CADM3: variants seen among roughly 807,000 people sequenced by gnomAD.
CADM3 encodes the protein TSLC1-like 1.
CADM3 carries 11 observed loss-of-function variants against 44.9 expected under a neutral mutation model. The ratio of observed to expected loss-of-function variants is 0.25; its 90% CI spans 0.15 to 0.41. The LOEUF is 0.41. Ranked by LOEUF, CADM3 falls within the 10% of genes least tolerant of loss-of-function variation. CADM3 has a pLI of 1.00. For missense variants in CADM3, 426 were observed against 512.0 expected, an observed-to-expected ratio of 0.83 and a Z score of 1.62; for synonymous variants, 207 against 205.2, an observed-to-expected ratio of 1.01 and a Z score of -0.08.
rs1335578740 is a variant in CADM3 at position 159,200,533 on chromosome 1, C to T, written c.1079-271C>T. On this transcript the variant is annotated intron_variant, in intron 8 of 8. Coordinates refer to ENST00000368125, the MANE Select transcript of CADM3 (RefSeq NM_001127173.3). ...ATGCGTGCAAGCACACACACACACA[C>T]ACACACACACACACACACACACTTC... Among the ~76,000 whole-genome samples the T allele has an allele frequency of 5.8e-5, 8 of 137,054 alleles. No individual in the cohort carries two copies. In the South Asian group the frequency reaches 1.7e-3, roughly 29 times the overall value. 89.9% of individuals were successfully genotyped at this position (137,054 alleles called of 152,430 possible). A position where few individuals can be genotyped will look rare whatever the true frequency, so the allele number is the denominator to read the frequency against.
At chr1:159,174,160 G>A (rs1648929726) in intron 1 of CADM3, among the ~76,000 whole-genome samples, 1 of 152,200 alleles carries the variant, frequency 6.6e-6, no homozygotes. Flanking sequence ...ACAGATAATG[G>A]ACATCTGTCT....
chr1:159,198,951 G>A (rs1387009819), intron 7 of CADM3, among the ~76,000 whole-genome samples: 2 of 152,156 alleles, frequency 1.3e-5, no homozygotes, highest in Non-Finnish European at 2.9e-5. Flanking sequence ...CAAACACTTT[G>A]AGGGTGGCAA....
intron 1 of CADM3, among the ~76,000 whole-genome samples, chr1:159,176,569 T>G (rs1188169799): frequency 6.6e-6 from 1 of 152,228 alleles, no homozygotes; most frequent in African/African-American, 2.4e-5. Context: ...GACCTGTTTC[T>G]GCCTCTGGGA....
intron 1 of CADM3, among the ~76,000 whole-genome samples, chr1:159,174,344 A>G (rs773357579): frequency 3.9e-5 from 6 of 152,350 alleles, no homozygotes; most frequent in Non-Finnish European, 7.3e-5. Context: ...TTTTGCACAC[A>G]ATCATGGACA....
intron 7 of CADM3, chr1:159,197,960 A>C (rs1203076584): frequency 6.6e-6 from 1 of 152,228 alleles, no homozygotes; most frequent in Non-Finnish European, 1.5e-5. Flanking sequence ...CAACAAGGCT[A>C]TTGTAGGATG....
chr1:159,201,862 A>G lies in CADM3; in HGVS notation c.*940A>G, dbSNP rs1650228933. The G allele has an allele frequency of 1.3e-5, 2 of 152,730 alleles. No individual in the cohort carries two copies. Among genetic ancestry groups the G allele is most frequent in the Admixed American group, 6.5e-5 (1 of 15,278 alleles). The allele number at this position is 152,730 out of a possible 1,614,324, so 9.5% of individuals were successfully genotyped here. A position where few individuals can be genotyped will look rare whatever the true frequency, so the allele number is the denominator to read the frequency against. On this transcript the variant is annotated 3_prime_UTR_variant, in exon 9 of 9. Coordinates refer to ENST00000368125, the MANE Select transcript of CADM3 (RefSeq NM_001127173.3). ...CAAGACTCTGGATTGTTGCACGGCA[A>G]CCACTCCTCCCATGGCATTGCTCAG...
chr1:159,176,444 G>A (rs1226762088), intron 1 of CADM3, among the ~76,000 whole-genome samples: 2 of 152,148 alleles, frequency 1.3e-5, no homozygotes, highest in Non-Finnish European at 2.9e-5. Context: ...ATCAGAAAAG[G>A]ACCCTGGAGA....
At chr1:159,200,024 C>T (rs1266808157) in intron 8 of CADM3, 148 bp downstream of exon 8, 5 of 1,046,466 alleles carry the variant, frequency 4.8e-6, no homozygotes, top group Admixed American at 2.1e-5. Context: ...ATGGAGCCAA[C>T]CCTATCATTG....
rs562685665 is a variant in CADM3 at position 159,171,729 on chromosome 1, C to T, written c.-37C>T. On this transcript the variant is annotated 5_prime_UTR_variant, in exon 1 of 9. Coordinates refer to ENST00000368125, the MANE Select transcript of CADM3 (RefSeq NM_001127173.3). ...TCCCCAGCCCCCGGGGATTCAGGCT[C>T]GCCAGCGCCCAGCCAGGGAGCCGGC... is the stretch of plus-strand genomic sequence containing the variant. 1.6e-4 allele frequency: 200 copies of T among 1,219,976 alleles called. No individual in the cohort carries two copies. The highest frequency in any genetic ancestry group is 9.3e-4 in the Middle Eastern group (3 of 3,238). The allele number at this position is 1,219,976 out of a possible 1,614,324, so 75.6% of individuals were successfully genotyped here.
chr1:159,197,121 T>A, intron 7 of CADM3, 61 bp downstream of exon 7: 1 of 1,544,062 alleles, frequency 6.5e-7, no homozygotes, highest in Non-Finnish European at 8.9e-7. Flanking sequence ...TTATTCCCTT[T>A]TTTAAAATGC....
intron 1 of CADM3, 38 bp from the exon 2 acceptor site, chr1:159,191,898 G>C (rs1649678215): frequency 2.5e-6 from 4 of 1,612,530 alleles, no homozygotes; most frequent in Non-Finnish European, 3.4e-6. Flanking sequence ...GGAGGGGCTA[G>C]GGGTCCTCAG....
At chr1:159,198,829 A>G (rs1356073439) in intron 7 of CADM3, among the ~76,000 whole-genome samples, 1 of 152,156 alleles carries the variant, frequency 6.6e-6, no homozygotes, top group African/African-American at 2.4e-5. Flanking sequence ...CAGGTTGTCA[A>G]TCCTCTACAT....
At chr1:159,197,207 C>T in intron 7 of CADM3, 147 bp downstream of exon 7, 1 of 742,508 alleles carries the variant, frequency 1.3e-6, no homozygotes, top group Non-Finnish European at 2.2e-6. Context: ...TCCCTGAGGG[C>T]TTAGGTCCCA....
At chr1:159,178,285 T>C (rs1420623641) in intron 1 of CADM3, among the ~76,000 whole-genome samples, 1 of 152,172 alleles carries the variant, frequency 6.6e-6, no homozygotes, top group Admixed American at 6.5e-5. Context: ...GTAAAATGAA[T>C]CCTACCCAGT....
chr1:159,172,568 G>A (rs1648857888), intron 1 of CADM3, among the ~76,000 whole-genome samples: 1 of 152,136 alleles, frequency 6.6e-6, no homozygotes, highest in South Asian at 2.1e-4. Flanking sequence ...GAGGCGGGGT[G>A]GGGGTAGGGG....
At chr1:159,177,412 C>G (rs146018073) in intron 1 of CADM3, among the ~76,000 whole-genome samples, 4 of 152,106 alleles carry the variant, frequency 2.6e-5, no homozygotes, top group Non-Finnish European at 5.9e-5. Flanking sequence ...TCCCAGTTCC[C>G]CTGTTCTTTA....
chr1:159,193,373 A>ACC, intron 3 of CADM3, 50 bp from the exon 4 acceptor site: 2 of 1,538,958 alleles, frequency 1.3e-6, no homozygotes, highest in Non-Finnish European at 1.8e-6. Flanking sequence ...CAGAAGTGTG[A>ACC]CCCCATGGGG....
intron 5 of CADM3, 155 bp downstream of exon 5, chr1:159,194,195 A>G (rs1217727086): frequency 2.7e-6 from 2 of 727,906 alleles, no homozygotes; most frequent in Admixed American, 3.0e-5. Flanking sequence ...AGGGTTGGCA[A>G]ACTCTTTACA....
At chr1:159,171,926 G>C in intron 1 of CADM3, 73 bp downstream of exon 1, 5 of 1,012,066 alleles carry the variant, frequency 4.9e-6, no homozygotes, top group Non-Finnish European at 6.4e-6. Flanking sequence ...CGGGAGTCTC[G>C]CGGAAGGAGC....
Sources: allele counts gnomAD v4.1 joint callset (sites outside exome capture counted in the v4.1 genomes callset), GRCh38; gene constraint gnomAD v4.1.1; transcripts MANE v1.5; gene names NCBI Gene and HGNC (gene_info 2026-07-23, HGNC 2026-07-21).